Variants in ANKRD36C observed in about 807,000 individuals in gnomAD.
The protein encoded by ANKRD36C is ankyrin repeat domain-containing protein 36C.
A neutral mutation model predicts 276.4 loss-of-function variants in ANKRD36C; 61 were observed. The observed-to-expected ratio is 0.22, with a 90% CI of 0.18 to 0.27. ANKRD36C has a LOEUF of 0.27. Ranked by LOEUF, ANKRD36C falls within the 10% of genes least tolerant of loss-of-function variation. ANKRD36C has a pLI of 1.00. For synonymous variants in ANKRD36C, 483 were observed against 680.1 expected (o/e 0.71, Z 4.51); for missense variants, 1,447 against 2,032.3 (o/e 0.71, Z 5.54).
At chr2:95,888,232 C>G in intron 48 of ANKRD36C, 112 bp from the exon 69 acceptor site, 1 of 1,547,296 alleles carries the variant, frequency 6.5e-7, no homozygotes, top group Non-Finnish European at 8.8e-7. Context: ...TTAGTATAGG[C>G]TTTGATGTTT....
chr2:95,858,092 T>G (rs569716689), intron 61 of ANKRD36C, among the ~76,000 whole-genome samples: 1,962 of 151,818 alleles, frequency 0.013, no homozygotes, highest in Non-Finnish European at 0.02. Context: ...CAAACCAATG[T>G]ATTTCTTACA....
chr2:95,875,971 C>T (rs1201936510), intron 59 of ANKRD36C: 1 of 443,396 alleles, frequency 2.3e-6, no homozygotes, highest in African/African-American at 2.0e-5. Flanking sequence ...AACATAGAAA[C>T]TGAAGTCAGA....
chr2:95,902,753 T>C, intron 42 of ANKRD36C, 133 bp downstream of exon 54: 1 of 1,195,926 alleles, frequency 8.4e-7, no homozygotes, highest in Non-Finnish European at 1.1e-6. Context: ...CACAAACTTA[T>C]TTGAAATGAA....
Position 95,955,340 on chromosome 2 carries a change from C to T in ANKRD36C, c.1137-1335G>A, listed in dbSNP as rs1031778367. Among the ~76,000 whole-genome samples the T allele has an allele frequency of 2.0e-5, 3 of 152,262 alleles. No individual in the cohort carries two copies. The South Asian group carries it at 6.2e-4, about 31-fold the overall frequency. On this transcript the variant is annotated intron_variant, in intron 13 of 66. Transcript: ENST00000456556. ...AATAAAACCTTGAAGTTTGTCAGTT[C>T]CTCCAGTTAAACAAACAAAAAGGCA...
intron 56 of ANKRD36C, among the ~76,000 whole-genome samples, chr2:95,880,918 T>A (rs1452170677): frequency 6.6e-6 from 1 of 152,210 alleles, no homozygotes; most frequent in Non-Finnish European, 1.5e-5. Flanking sequence ...AGGAGAAATG[T>A]GATCTAAAAT....
intron 38 of ANKRD36C, 66 bp downstream of exon 40, chr2:95,915,914 T>C (rs1369054040): frequency 3.3e-6 from 5 of 1,513,962 alleles, no homozygotes; most frequent in Admixed American, 3.9e-5. Flanking sequence ...CCCCCACTGA[T>C]TTATTCGGGG....
At chr2:95,889,935 T>C (rs1478101603) in intron 47 of ANKRD36C, 31 bp downstream of exon 67, 3 of 1,609,546 alleles carry the variant, frequency 1.9e-6, no homozygotes, top group African/African-American at 2.7e-5. Flanking sequence ...ATACAGTTAA[T>C]AGTTCAAAAT....
chr2:95,931,338 GTC>G (rs1677562301), intron 24 of ANKRD36C, among the ~76,000 whole-genome samples: 1 of 149,808 alleles, frequency 6.7e-6, no homozygotes, highest in African/African-American at 2.4e-5. Flanking sequence ...CTCTCATTTT[GTC>G]TCTATGCTTT....
At chr2:95,875,008 A>G (rs1320454841) in intron 59 of ANKRD36C, among the ~76,000 whole-genome samples, 1 of 152,226 alleles carries the variant, frequency 6.6e-6, no homozygotes, top group East Asian at 1.9e-4. Context: ...TAGGATGGCA[A>G]TCATTAAAAA....
intron 26 of ANKRD36C, among the ~76,000 whole-genome samples, chr2:95,928,870 G>A (rs1389354289): frequency 6.6e-6 from 1 of 151,384 alleles, no homozygotes; most frequent in Non-Finnish European, 1.5e-5. Flanking sequence ...TCAATGTAGG[G>A]AAGTCTACAA....
At chr2:95,892,238 C>A (rs1254985356) in intron 44 of ANKRD36C, among the ~76,000 whole-genome samples, 1 of 151,472 alleles carries the variant, frequency 6.6e-6, no homozygotes, top group Non-Finnish European at 1.5e-5. Context: ...GTCTTTCATG[C>A]AACAAATCAA....
intron 34 of ANKRD36C, 72 bp downstream of exon 34, chr2:95,921,535 G>T: frequency 6.5e-7 from 1 of 1,545,270 alleles, no homozygotes; most frequent in Non-Finnish European, 8.7e-7. Flanking sequence ...GCCCTCCACT[G>T]ATTTATTCGG....
intron 63 of ANKRD36C, among the ~76,000 whole-genome samples, chr2:95,854,721 A>G (rs951394132): frequency 6.6e-6 from 1 of 152,242 alleles, no homozygotes; most frequent in Non-Finnish European, 1.5e-5. Context: ...ATATCTATAC[A>G]TAATTTGAGA....
At chr2:95,915,897 G>C in intron 38 of ANKRD36C, 83 bp downstream of exon 40, 1 of 1,481,704 alleles carries the variant, frequency 6.7e-7, no homozygotes, top group South Asian at 1.2e-5. Flanking sequence ...GTGCAGCTTC[G>C]ACCAGCCCCC....
chr2:95,951,170 G>T (rs1352121218), intron 15 of ANKRD36C, among the ~76,000 whole-genome samples, 178 bp downstream of exon 15: 1 of 152,308 alleles, frequency 6.6e-6, no homozygotes, highest in East Asian at 1.9e-4. Context: ...CTACTCGGGA[G>T]GCTGAGGCAG....
chr2:95,945,097 G>T lies in ANKRD36C; in HGVS notation c.1423+17C>A, dbSNP rs1275857958. On this transcript the variant is annotated intron_variant, in intron 18 of 66. Coordinates refer to ENST00000456556, the Ensembl canonical transcript of ANKRD36C. ...GAATCAGTAGATAATATAATAGTCA[G>T]GTTTCAAATAGCTTACACTTTTCTG... 1 of 1,535,608 alleles carries T rather than the reference G, an allele frequency of 6.5e-7. No individual in the cohort carries two copies. Among genetic ancestry groups the T allele is most frequent in the Admixed American group, 2.0e-5 (1 of 51,018 alleles).
At chr2:95,945,902 G>A (rs1229822457) in intron 17 of ANKRD36C, among the ~76,000 whole-genome samples, 1 of 152,056 alleles carries the variant, frequency 6.6e-6, no homozygotes, top group Non-Finnish European at 1.5e-5. Context: ...CAAAGGGGAA[G>A]GAGGGAGAAA....
At chr2:95,928,479 G>A (rs1477795647) in intron 26 of ANKRD36C, among the ~76,000 whole-genome samples, 9 of 151,544 alleles carry the variant, frequency 5.9e-5, no homozygotes, top group African/African-American at 2.2e-4. Flanking sequence ...AGTTCTTGGA[G>A]CAGCCAAAAT....
chr2:95,859,710 T>C (rs944509891), intron 61 of ANKRD36C, 151 bp downstream of exon 81: 9 of 859,490 alleles, frequency 1.0e-5, no homozygotes, highest in African/African-American at 3.4e-5. Flanking sequence ...GAACTTGTGA[T>C]ATTATATCCA....
Sources: allele counts gnomAD v4.1 joint callset (sites outside exome capture counted in the v4.1 genomes callset), GRCh38; gene constraint gnomAD v4.1.1; transcripts MANE v1.5; gene names NCBI Gene and HGNC (gene_info 2026-07-23, HGNC 2026-07-21).